The following RASA1 variants were observed in gnomAD, a reference collection of about 807,000 sequenced individuals.
RASA1 encodes the protein RAS p21 protein activator 1.
A neutral mutation model predicts 132.2 loss-of-function variants in RASA1; 25 were observed. The observed-to-expected ratio is 0.19, with a 90% CI of 0.14 to 0.26. The LOEUF is 0.26. RASA1 is among the 10% of genes least tolerant of loss of function. The probability of loss-of-function intolerance (pLI) is 1.00; values close to 1 mark genes in which losing one functional copy is unlikely to be tolerated. For missense variants in RASA1, 964 were observed against 1,299.2 expected, an observed-to-expected ratio of 0.74 and a Z score of 3.97; for synonymous variants, 477 against 449.9, an observed-to-expected ratio of 1.06 and a Z score of -0.76.
intron 1 of RASA1, among the ~76,000 whole-genome samples, chr5:87,281,526 T>C (rs1221629842): frequency 6.6e-6 from 1 of 152,174 alleles, no homozygotes; most frequent in Non-Finnish European, 1.5e-5. Flanking sequence ...ATGTGCTTAT[T>C]GGCCATTTAT....
At chr5:87,367,420 G>GAA (rs1760606838) in intron 11 of RASA1, among the ~76,000 whole-genome samples, 1 of 152,198 alleles carries the variant, frequency 6.6e-6, no homozygotes, top group Non-Finnish European at 1.5e-5. Flanking sequence ...AGACTAATGT[G>GAA]AAAGTTAACA....
At position 87,288,777 on chromosome 5, in the gene RASA1, A is replaced by T. The variant is rs547792878; in HGVS notation, c.539+19787A>T. ...GTTGGAAAATTTGAAATTTGCAGAA[A>T]AGTTGCAAGAATACTGAGCAACTTT... On this transcript the variant is annotated intron_variant, in intron 1 of 24. Transcript: ENST00000274376. Among the ~76,000 whole-genome samples the T allele has an allele frequency of 2.6e-5, 4 of 152,262 alleles. No homozygotes were observed. The South Asian group carries it at 8.3e-4, about 32-fold the overall frequency.
rs1753659155 is a variant in RASA1, at chr5:87,268,401, C to T, written c.-51C>T. ...CTGCTCGGAGCCCGGGCCTGGTGGC[C>T]CCTGGGGCTCCCGGGCGGGCAGGGT... On this transcript the variant is annotated 5_prime_UTR_variant, in exon 1 of 25. Coordinates refer to ENST00000274376, the MANE Select transcript of RASA1 (RefSeq NM_002890.3). The T allele has an allele frequency of 6.1e-6, 9 of 1,482,938 alleles. No homozygotes were observed. The highest frequency in any genetic ancestry group is 8.1e-6 in the Non-Finnish European group (9 of 1,113,442). The allele number at this position is 1,482,938 out of a possible 1,614,324, so 91.9% of individuals were successfully genotyped here.
chr5:87,308,124 G>A (rs1755706887), intron 1 of RASA1, among the ~76,000 whole-genome samples: 1 of 151,966 alleles, frequency 6.6e-6, no homozygotes, highest in Non-Finnish European at 1.5e-5. Context: ...GGCCCTTCAA[G>A]TCTCTTAATA....
chr5:87,332,869 G>A (rs1757696898), intron 3 of RASA1, among the ~76,000 whole-genome samples: 1 of 151,992 alleles, frequency 6.6e-6, no homozygotes, highest in Non-Finnish European at 1.5e-5. Flanking sequence ...AGAAAATACT[G>A]TATGGTGATA....
chr5:87,372,028 T>C, intron 12 of RASA1, 90 bp from the exon 13 acceptor site: 3 of 1,011,070 alleles, frequency 3.0e-6, no homozygotes, highest in Non-Finnish European at 4.2e-6. Context: ...AAGGAAAAAA[T>C]TGTTGAATTT....
intron 3 of RASA1, among the ~76,000 whole-genome samples, chr5:87,333,040 C>T (rs916912612): frequency 3.9e-5 from 6 of 152,050 alleles, no homozygotes; most frequent in Admixed American, 6.5e-5. Flanking sequence ...ATTCATATTA[C>T]GTTATAAAAG....
rs528979192 is a variant in RASA1, at chr5:87,338,117, T to G, written c.1017+26T>G. On this transcript the variant is annotated intron_variant, in intron 5 of 24. Coordinates refer to ENST00000274376, the MANE Select transcript of RASA1 (RefSeq NM_002890.3). Reference sequence around the variant, plus strand: ...GTAAGTTTTGTTCTTTTCTTCTCAATTCTAGATTCTAAATATTTTATAAAT... The same window carrying G: ...GTAAGTTTTGTTCTTTTCTTCTCAAGTCTAGATTCTAAATATTTTATAAAT... 6 of 1,610,712 alleles carry G rather than the reference T, an allele frequency of 3.7e-6. No individual in the cohort carries two copies. The South Asian group carries it at 6.6e-5, about 18-fold the overall frequency.
At chr5:87,329,522 ATAAAG>A (rs1757461847) in intron 1 of RASA1, among the ~76,000 whole-genome samples, 1 of 152,184 alleles carries the variant, frequency 6.6e-6, no homozygotes, top group Non-Finnish European at 1.5e-5. Flanking sequence ...GATATTTCTT[ATAAAG>A]TAGTAATTGT....
At chr5:87,384,688 C>A (rs927956609) in intron 21 of RASA1, among the ~76,000 whole-genome samples, 3 of 152,038 alleles carry the variant, frequency 2.0e-5, no homozygotes, top group African/African-American at 7.2e-5. Context: ...TAATTAAGTT[C>A]CAGAGCTTAT....
chr5:87,385,439 CATG>C lies in RASA1; in HGVS notation c.2847+53_2847+55del, dbSNP rs778175696. 2.8e-5 allele frequency: 38 copies of C among 1,343,524 alleles called. No individual in the cohort carries two copies. In the East Asian group the frequency reaches 5.4e-4, roughly 19 times the overall value. The allele number at this position is 1,343,524 out of a possible 1,614,324, so 83.2% of individuals were successfully genotyped here. On this transcript the variant is annotated intron_variant, in intron 22 of 24. Transcript: ENST00000274376. The stretch of plus-strand genomic sequence containing the variant: ...ATGTAATTTATGAATGCAAGTTTGA[CATG>C]ATAAAACCATAAATTGTGGCTTAAG...
rs1431875808 is a variant in RASA1 at position 87,335,335 on chromosome 5, C to T, written c.899+1998C>T. Among the ~76,000 whole-genome samples the T allele has an allele frequency of 2.0e-5, 3 of 149,320 alleles. No homozygotes were observed. In the East Asian group the frequency reaches 6.0e-4, roughly 30 times the overall value. On this transcript the variant is annotated intron_variant, in intron 4 of 24. Transcript: ENST00000274376. ...TTTGAGTAAAAATTTGAATTTTAGACATTCTGTATTGGCCATCAAGAGTTT... is the reference window on the plus strand; with the variant it reads ...TTTGAGTAAAAATTTGAATTTTAGATATTCTGTATTGGCCATCAAGAGTTT...
At chr5:87,375,341 A>G (rs1024888094) in intron 15 of RASA1, among the ~76,000 whole-genome samples, 9 of 149,220 alleles carry the variant, frequency 6.0e-5, no homozygotes, top group Admixed American at 1.3e-4. Context: ...GCTCACTGCA[A>G]CCTCCGCCTC....
intron 1 of RASA1, among the ~76,000 whole-genome samples, chr5:87,292,698 G>T (rs1167411341): frequency 2.0e-5 from 3 of 152,026 alleles, no homozygotes; most frequent in Non-Finnish European, 2.9e-5. Flanking sequence ...ATAATTGCTG[G>T]GATATTGATT....
chr5:87,381,779 A>C (rs1487078116), intron 20 of RASA1, among the ~76,000 whole-genome samples: 1 of 152,178 alleles, frequency 6.6e-6, no homozygotes, highest in African/African-American at 2.4e-5. Flanking sequence ...AACAAGTATA[A>C]CTGTTAAGCA....
At chr5:87,330,351 GA>G (rs1276598264) in intron 1 of RASA1, among the ~76,000 whole-genome samples, 16 of 151,952 alleles carry the variant, frequency 1.1e-4, no homozygotes, top group African/African-American at 2.9e-4. Flanking sequence ...ACACATATAA[GA>G]TTACAAATAA....
intron 1 of RASA1, among the ~76,000 whole-genome samples, chr5:87,279,370 T>G (rs551186163): frequency 6.6e-6 from 1 of 152,310 alleles, no homozygotes; most frequent in South Asian, 2.1e-4. Flanking sequence ...TAGTCCATGG[T>G]GTAGATGTGC....
chr5:87,269,421 T>A, intron 1 of RASA1: 2 of 1,078,050 alleles, frequency 1.9e-6, no homozygotes, highest in South Asian at 1.5e-5. Flanking sequence ...AGTACTATAG[T>A]AATAATTTGA....
intron 1 of RASA1, among the ~76,000 whole-genome samples, chr5:87,275,853 C>A (rs144663285): frequency 6.6e-6 from 1 of 152,294 alleles, no homozygotes; most frequent in African/African-American, 2.4e-5. Context: ...CAGGCATGAG[C>A]CACTGTGCCC....
Sources: gnomAD v4.1 joint callset for allele counts (sites outside exome capture counted in the v4.1 genomes callset) on GRCh38, gnomAD v4.1.1 for gene constraint, MANE v1.5 for transcripts, NCBI Gene and HGNC (gene_info 2026-07-23, HGNC 2026-07-21) for gene names.